SNRNP27: variants seen among roughly 807,000 people sequenced by gnomAD.
SNRNP27 encodes the protein U4/U6.U5 small nuclear ribonucleoprotein 27 kDa protein.
A neutral mutation model predicts 25.1 loss-of-function variants in SNRNP27; 22 were observed. That is an observed-to-expected ratio of 0.88 (90% CI 0.63 to 1.25). The LOEUF is 1.25. SNRNP27 is among the 50% of genes most tolerant of loss of function. The pLI is 0.00. For synonymous variants in SNRNP27, 66 were observed against 64.9 expected, an observed-to-expected ratio of 1.02 and a Z score of -0.08; for missense variants, 150 against 202.3, an observed-to-expected ratio of 0.74 and a Z score of 1.57.
chr2:69,902,417 C>T (rs565610480), intron 4 of SNRNP27, among the ~76,000 whole-genome samples: 3 of 151,984 alleles, frequency 2.0e-5, no homozygotes, highest in East Asian at 1.9e-4. Context: ...TCTGCTTCTG[C>T]GTCTGCTTCT....
chr2:69,897,436 G>A lies in SNRNP27; in HGVS notation c.328G>A (p.Ala110Thr), dbSNP rs1482548176. 4.3e-6 allele frequency: 7 copies of A among 1,613,236 alleles called. No individual in the cohort carries two copies. The highest frequency in any genetic ancestry group is 2.2e-5 in the East Asian group (1 of 44,794). Residue 110 changes from alanine to threonine, a missense_variant, in exon 4 of 6, where the codon GCC (alanine) becomes ACC (threonine). This residue lies in a region of SNRNP27 where 142 missense variants were observed against 168.6 expected (regional missense o/e 0.84). Coordinates refer to ENST00000244227, the MANE Select transcript of SNRNP27 (RefSeq NM_006857.3). ...AGAAATGATGAAGTTAATGGGATTT[G>A]CCTCCTTTGACTCCACAAAAGTAAG... The part of the protein sequence containing the change: ...EIEMMKLMGF[A>T]SFDSTKGKKV...
chr2:69,903,549 A>G (rs1390231402), intron 5 of SNRNP27: 3 of 299,670 alleles, frequency 1.0e-5, no homozygotes, highest in Non-Finnish European at 1.9e-5. Flanking sequence ...GGTATAAGAT[A>G]GATCCCTCCT....
chr2:69,903,134 A>G (rs1248689782), intron 4 of SNRNP27, 47 bp from the exon 5 acceptor site: 4 of 1,439,144 alleles, frequency 2.8e-6, no homozygotes, highest in East Asian at 4.5e-5. Context: ...TCCTGATTTA[A>G]TGTATCCTTC....
intron 5 of SNRNP27, 74 bp downstream of exon 5, chr2:69,903,319 C>A: frequency 2.8e-6 from 3 of 1,059,810 alleles, no homozygotes; most frequent in African/African-American, 1.6e-5. Flanking sequence ...ATGAGATAAT[C>A]ATGTTTGTAG....
intron 2 of SNRNP27, among the ~76,000 whole-genome samples, chr2:69,896,089 G>A (rs185544610): frequency 6.6e-6 from 1 of 151,650 alleles, no homozygotes; most frequent in Non-Finnish European, 1.5e-5. Flanking sequence ...TTAGTAGCGT[G>A]AGCCACCAAG....
intron 3 of SNRNP27, among the ~76,000 whole-genome samples, chr2:69,896,750 G>A (rs962648149): frequency 1.7e-4 from 26 of 149,720 alleles, no homozygotes; most frequent in African/African-American, 5.7e-4. Context: ...TTGGCTCACT[G>A]CAACCTCCGC....
chr2:69,897,294 C>T (rs1237389014), intron 3 of SNRNP27, 83 bp from the exon 4 acceptor site: 1 of 903,912 alleles, frequency 1.1e-6, no homozygotes, highest in Non-Finnish European at 1.8e-6. Context: ...GGTGGAATGA[C>T]TATTAATCTG....
rs151230404 is a variant in SNRNP27, at chr2:69,903,783, T to C, written c.414-471T>C. 2.3e-4 allele frequency among the ~76,000 whole-genome samples: 35 copies of C among 152,288 alleles called. No homozygotes were observed. In the East Asian group the frequency reaches 6.5e-3, roughly 28 times the overall value. Reference sequence around the variant, plus strand: ...TCCAGTTAATTTAGATTATGAATCATGTGATTGAAAATGCTATAAGCTAAG... The same window carrying C: ...TCCAGTTAATTTAGATTATGAATCACGTGATTGAAAATGCTATAAGCTAAG... On this transcript the variant is annotated intron_variant, in intron 5 of 5. Transcript: ENST00000244227.
In SNRNP27 at chr2:69,895,104, T is replaced by C. The variant is rs775314643; in HGVS notation, c.45T>C (p.Arg15=). The change falls in exon 2 of 6, where the codon CGT becomes CGC. Residue 15 remains arginine, a synonymous_variant. Transcript: ENST00000244227. ...GTGCGTTTGCATTAGAACGTAGGCG[T>C]TCCCGGTCCACATCCCGGGAGAGAG... ...RSRSPRRERR[R]SRSTSRERER... 1 of 1,613,304 alleles carries C rather than the reference T, an allele frequency of 6.2e-7. No homozygotes were observed. The highest frequency in any genetic ancestry group is 8.5e-7 in the Non-Finnish European group (1 of 1,179,884).
chr2:69,896,941 T>C (rs752779518), intron 3 of SNRNP27, among the ~76,000 whole-genome samples: 4 of 152,224 alleles, frequency 2.6e-5, no homozygotes, highest in Non-Finnish European at 5.9e-5. Flanking sequence ...CCCAAAGTGC[T>C]GGGATTATAG....
At chr2:69,901,795 T>C in intron 4 of SNRNP27, among the ~76,000 whole-genome samples, 1 of 152,204 alleles carries the variant, frequency 6.6e-6, no homozygotes, top group East Asian at 1.9e-4. Context: ...CACTCCAACC[T>C]GGCGACAGTG....
At chr2:69,899,217 A>C (rs1442819692) in intron 4 of SNRNP27, among the ~76,000 whole-genome samples, 2 of 152,196 alleles carry the variant, frequency 1.3e-5, no homozygotes, top group African/African-American at 4.8e-5. Context: ...TCAGTTTTTT[A>C]AAATGACATC....
chr2:69,904,100 T>G (rs1449989227), intron 5 of SNRNP27, among the ~76,000 whole-genome samples, 154 bp from the exon 6 acceptor site: 1 of 152,062 alleles, frequency 6.6e-6, no homozygotes, highest in Non-Finnish European at 1.5e-5. Flanking sequence ...TAAAATAATC[T>G]CTAAATATAC....
chr2:69,897,160 G>T lies in SNRNP27; in HGVS notation c.269-217G>T, dbSNP rs533058924. On this transcript the variant is annotated intron_variant, in intron 3 of 5. Transcript: ENST00000244227. ...AGGTTTTTTTTTAAAAGGTAATCCT[G>T]TCTAAAGGCTTCAAGGAGAGGACTT... Among the ~76,000 whole-genome samples, 3 of 151,682 alleles carry T rather than the reference G, an allele frequency of 2.0e-5. No individual in the cohort carries two copies. The East Asian group carries it at 5.8e-4, about 29-fold the overall frequency.
intron 4 of SNRNP27, 125 bp downstream of exon 4, chr2:69,897,581 T>A: frequency 1.3e-6 from 1 of 750,988 alleles, no homozygotes; most frequent in Non-Finnish European, 2.2e-6. Flanking sequence ...TTGAAGGGCT[T>A]TGAGAATACA....
At chr2:69,903,902 A>G (rs967115768) in intron 5 of SNRNP27, among the ~76,000 whole-genome samples, 6 of 152,258 alleles carry the variant, frequency 3.9e-5, no homozygotes, top group African/African-American at 1.2e-4. Context: ...AATTTGCTCA[A>G]TGGGTGCCTG....
chr2:69,900,222 A>G (rs1282786428), intron 4 of SNRNP27, among the ~76,000 whole-genome samples: 1 of 152,150 alleles, frequency 6.6e-6, no homozygotes, highest in Non-Finnish European at 1.5e-5. Flanking sequence ...ATTTTTCTAG[A>G]TGGTTTCAAA....
chr2:69,900,520 G>A (rs1676675306), intron 4 of SNRNP27, among the ~76,000 whole-genome samples: 1 of 152,308 alleles, frequency 6.6e-6, no homozygotes, highest in South Asian at 2.1e-4. Context: ...GAATAGAAAA[G>A]TAAGACCAAA....
intron 3 of SNRNP27, 57 bp downstream of exon 3, chr2:69,896,605 A>T: frequency 3.4e-6 from 5 of 1,451,576 alleles, no homozygotes; most frequent in Non-Finnish European, 4.7e-6. Flanking sequence ...AAATTATAAA[A>T]GTTTAATCTT....
Sources: gnomAD v4.1 joint callset for allele counts (sites outside exome capture counted in the v4.1 genomes callset) on GRCh38, gnomAD v4.1.1 for gene constraint, gnomAD v4.1.1 regional missense constraint, MANE v1.5 for transcripts, NCBI Gene and HGNC (gene_info 2026-07-23, HGNC 2026-07-21) for gene names.